Variants in BBS7 observed in about 807,000 individuals in gnomAD.
The protein encoded by BBS7 is BBSome complex member BBS7.
A neutral mutation model predicts 90.3 loss-of-function variants in BBS7; 50 were observed. That is an observed-to-expected ratio of 0.55 (90% CI 0.44 to 0.70). The LOEUF (loss-of-function observed/expected upper bound fraction) is 0.70, where lower values mean the gene tolerates loss of function less well. Ranked by LOEUF, BBS7 falls within the 30% of genes least tolerant of loss-of-function variation. BBS7 has a pLI of 0.00. For synonymous variants in BBS7, 235 were observed against 287.4 expected (o/e 0.82, Z 1.85); for missense variants, 729 against 838.9 (o/e 0.87, Z 1.62).
At chr4:121,828,784 CAT>C in intron 15 of BBS7, 56 bp from the exon 16 acceptor site, 1 of 1,044,282 alleles carries the variant, frequency 9.6e-7, no homozygotes, top group East Asian at 2.6e-5. Flanking sequence ...TTGTCCAGTA[CAT>C]ATATATTTTA....
At chr4:121,851,612 A>C (rs1726326204) in intron 8 of BBS7, among the ~76,000 whole-genome samples, 1 of 152,318 alleles carries the variant, frequency 6.6e-6, no homozygotes, top group South Asian at 2.1e-4. Flanking sequence ...TCCTCAAAAT[A>C]TTGGCAAATG....
Position 121,868,032 on chromosome 4 carries a change from A to G in BBS7, c.51T>C (p.Ser17=). 6.2e-7 allele frequency: 1 copy of G among 1,613,472 alleles called. No individual in the cohort carries two copies. The highest frequency in any genetic ancestry group is 8.5e-7 in the Non-Finnish European group (1 of 1,179,526). The change falls in exon 2 of 19, where the codon TCT becomes TCC. Residue 17 remains serine (S), a synonymous_variant. Transcript: ENST00000264499. The stretch of plus-strand genomic sequence containing the variant: ...CAGGAATTAGCTTCATAGTCTTCTG[A>G]GATGTTACTCCCACCTAAAGAAAAA... ...RMDYLQVGVT[S]QKTMKLIPAS...
intron 3 of BBS7, 107 bp downstream of exon 3, chr4:121,863,110 C>G (rs1232714955): frequency 1.9e-6 from 2 of 1,048,778 alleles, no homozygotes; most frequent in South Asian, 1.4e-5. Flanking sequence ...CCTCAGAACC[C>G]ATTTTCCATT....
chr4:121,853,665 T>C (rs769253173), intron 7 of BBS7, among the ~76,000 whole-genome samples: 7 of 152,134 alleles, frequency 4.6e-5, no homozygotes, highest in Non-Finnish European at 1.0e-4. Context: ...ATAACTCTTC[T>C]AACTGGTCTC....
rs1171821980 is a variant in BBS7, at chr4:121,847,509, G to A, written c.935-3C>T. On this transcript the variant is annotated splice_region_variant and splice_polypyrimidine_tract_variant and intron_variant, in intron 9 of 18. Coordinates refer to ENST00000264499, the MANE Select transcript of BBS7 (RefSeq NM_176824.3). ...TGTTGTCAGACCTGTAACCCAGCCT[G>A]TAGAGATGAATTACAATCACGCACC... 2 of 1,598,604 alleles carry A rather than the reference G, an allele frequency of 1.3e-6. No individual in the cohort carries two copies.
chr4:121,836,883 T>A (rs1020886684), intron 13 of BBS7, among the ~76,000 whole-genome samples: 1 of 152,194 alleles, frequency 6.6e-6, no homozygotes, highest in African/African-American at 2.4e-5. Flanking sequence ...TTATTTGAAT[T>A]TGAATTTCTC....
At chr4:121,843,757 G>C (rs546097419) in intron 12 of BBS7, among the ~76,000 whole-genome samples, 170 bp downstream of exon 12, 2 of 152,256 alleles carry the variant, frequency 1.3e-5, no homozygotes, top group African/African-American at 4.8e-5. Context: ...AGGACATCAG[G>C]TTTCTCGACT....
At chr4:121,849,063 G>T in intron 8 of BBS7, 135 bp from the exon 9 acceptor site, 49 of 551,376 alleles carry the variant, frequency 8.9e-5, no homozygotes, top group East Asian at 1.1e-4. Flanking sequence ...CAGACACTCA[G>T]ATTAGAAAGA....
At chr4:121,858,824 C>T in intron 5 of BBS7, 168 bp downstream of exon 5, 1 of 678,120 alleles carries the variant, frequency 1.5e-6, no homozygotes, top group Non-Finnish European at 2.4e-6. Context: ...CAAAACAACA[C>T]ATTTGACTCA....
At chr4:121,841,973 TG>T (rs1725761637) in intron 12 of BBS7, among the ~76,000 whole-genome samples, 1 of 152,074 alleles carries the variant, frequency 6.6e-6, no homozygotes, top group Non-Finnish European at 1.5e-5. Context: ...AAAAACAGGC[TG>T]GGCACAGTGG....
chr4:121,850,237 T>C (rs996182563), intron 8 of BBS7, among the ~76,000 whole-genome samples: 3 of 151,958 alleles, frequency 2.0e-5, no homozygotes, highest in African/African-American at 7.3e-5. Context: ...TGATCATGGC[T>C]CACTGCAGCC....
chr4:121,870,466 G>T lies in BBS7; in HGVS notation c.-153C>A. On this transcript the variant is annotated 5_prime_UTR_variant, in exon 1 of 19. Transcript: ENST00000264499. ...CCTAGGTCCTGGGCTGCACAGGCGG[G>T]GCGACAGGGCAGTGGCGTCCTGCGT... The T allele has an allele frequency of 1.3e-6, 1 of 787,976 alleles. No individual in the cohort carries two copies. The highest frequency in any genetic ancestry group is 2.2e-6 in the Non-Finnish European group (1 of 461,096). 48.8% of individuals were successfully genotyped at this position (787,976 alleles called of 1,614,324 possible).
In BBS7 at chr4:121,870,345, GACA is replaced by G; in HGVS notation, c.-35_-33del. 1 of 1,613,940 alleles carries G rather than the reference GACA, an allele frequency of 6.2e-7. No individual in the cohort carries two copies. Among genetic ancestry groups the G allele is most frequent in the Non-Finnish European group, 8.5e-7 (1 of 1,179,826 alleles). ...TACGCGGAGGGGCTAAGCAGCGCCG[GACA>G]AGAACAGGAGGGACAGAGGCTTCGG... On this transcript the variant is annotated 5_prime_UTR_variant, in exon 1 of 19. Coordinates refer to ENST00000264499, the MANE Select transcript of BBS7 (RefSeq NM_176824.3).
At chr4:121,832,840 C>G (rs1477614018) in intron 15 of BBS7, among the ~76,000 whole-genome samples, 1 of 152,188 alleles carries the variant, frequency 6.6e-6, no homozygotes, top group East Asian at 1.9e-4. Flanking sequence ...GAATATATTA[C>G]TCCATTTAAT....
chr4:121,846,663 T>C (rs1257533953), intron 10 of BBS7, among the ~76,000 whole-genome samples: 1 of 152,200 alleles, frequency 6.6e-6, no homozygotes, highest in Non-Finnish European at 1.5e-5. Flanking sequence ...GAATCTGGTA[T>C]ACTTGTTTGC....
chr4:121,836,069 A>G lies in BBS7; in HGVS notation c.1372-786T>C, dbSNP rs114144852. Among the ~76,000 whole-genome samples, 187 of 152,328 alleles carry G rather than the reference A, an allele frequency of 1.2e-3. 1 individual carries two copies. Among genetic ancestry groups the G allele is most frequent in the African/African-American group, 4.3e-3 (179 of 41,584 alleles). On this transcript the variant is annotated intron_variant, in intron 13 of 18. Transcript: ENST00000264499. ...ACTTAATTGTTGACATTCTGTGAAA[A>G]TAGAGATGCATACCTATAATCTATG... is the stretch of plus-strand genomic sequence containing the variant.
At chr4:121,829,520 G>A (rs566853098) in intron 15 of BBS7, among the ~76,000 whole-genome samples, 28 of 152,300 alleles carry the variant, frequency 1.8e-4, no homozygotes, top group African/African-American at 6.7e-4. Flanking sequence ...ACAGGCATGA[G>A]CTACTGAGAT....
intron 1 of BBS7, 146 bp downstream of exon 1, chr4:121,870,132 G>T: frequency 2.2e-6 from 2 of 913,128 alleles, no homozygotes; most frequent in South Asian, 1.4e-5. Context: ...GCCCAAAGGC[G>T]GGGTGCTGAG....
intron 12 of BBS7, among the ~76,000 whole-genome samples, chr4:121,841,748 G>A (rs1172947974): frequency 6.6e-6 from 1 of 152,056 alleles, no homozygotes; most frequent in Non-Finnish European, 1.5e-5. Flanking sequence ...CTTCAGTGAT[G>A]TAATTAAAAC....
Sources: allele counts gnomAD v4.1 joint callset (sites outside exome capture counted in the v4.1 genomes callset), GRCh38; gene constraint gnomAD v4.1.1; transcripts MANE v1.5; gene names NCBI Gene and HGNC (gene_info 2026-07-23, HGNC 2026-07-21).